GOLGA6L9: variants seen among roughly 807,000 people sequenced by gnomAD.
GOLGA6L9 encodes the protein golgin A6 family like 9, also known as golgin subfamily A member 6-like protein 9.
In GOLGA6L9, 19 loss-of-function variants were observed where a neutral mutation model predicts 51.3. The observed-to-expected ratio is 0.37, with a 90% CI of 0.26 to 0.54. The LOEUF is 0.54. Ranked by LOEUF, GOLGA6L9 falls within the 20% of genes least tolerant of loss-of-function variation. The pLI, the probability that GOLGA6L9 is intolerant of heterozygous loss-of-function variation, is 0.83. For missense variants in GOLGA6L9, 247 were observed against 464.1 expected (o/e 0.53, Z 4.30); for synonymous variants, 97 against 184.2 (o/e 0.53, Z 3.83).
intron 4 of GOLGA6L9, 65 bp from the exon 5 acceptor site, chr15:82,433,497 A>C (rs1258393017): frequency 2.5e-6 from 2 of 808,494 alleles, no homozygotes; most frequent in Admixed American, 2.8e-5. Context: ...CCTTTCTCAA[A>C]CTCTGTCTCT....
chr15:82,435,036 G>A (rs2031616197), intron 7 of GOLGA6L9, 107 bp downstream of exon 7: 2 of 723,924 alleles, frequency 2.8e-6, no homozygotes, highest in Non-Finnish European at 4.2e-6. Flanking sequence ...TGCAGCCTGG[G>A]GACAGGTGAC....
Position 82,430,147 on chromosome 15 carries a change from C to T in GOLGA6L9, c.68C>T (p.Ala23Val). ...GAAAAAACACAACAGGGGAAATTGG[C>T]CGCAGCCAAGAAAAAGGTAAAACAC... Reference protein sequence around the residue: ...MSEKTQQGKLAAAKKKLKAYW... With the variant: ...MSEKTQQGKLVAAKKKLKAYW... The change falls in exon 1 of 9, where the codon GCC (alanine) becomes GTC (valine). Residue 23 changes from alanine to valine, a missense_variant. Coordinates refer to ENST00000618348, the MANE Select transcript of GOLGA6L9 (RefSeq NM_198181.4). 1 of 847,764 alleles carries T rather than the reference C, an allele frequency of 1.2e-6. No individual in the cohort carries two copies. Among genetic ancestry groups the T allele is most frequent in the South Asian group, 1.5e-5 (1 of 66,206 alleles). 52.5% of individuals were successfully genotyped at this position (847,764 alleles called of 1,614,324 possible).
intron 3 of GOLGA6L9, 44 bp from the exon 4 acceptor site, chr15:82,432,773 C>G (rs1248052574): frequency 9.2e-6 from 14 of 1,526,136 alleles, no homozygotes; most frequent in African/African-American, 1.4e-5. Context: ...CTCTACCCCT[C>G]CCCACAATCT....
the GOLGA6L9 span, among the ~76,000 whole-genome samples, chr15:82,417,563 TGTC>T: frequency 6.6e-6 from 1 of 152,248 alleles, no homozygotes; most frequent in South Asian, 2.1e-4. Flanking sequence ...ACAAATGTAC[TGTC>T]TTTTGACCTG....
the GOLGA6L9 span, among the ~76,000 whole-genome samples, chr15:82,418,154 T>G: frequency 1.3e-5 from 2 of 152,210 alleles, no homozygotes; most frequent in Non-Finnish European, 2.9e-5. Context: ...AATAATGTCA[T>G]GAAAACAATT....
upstream of GOLGA6L9, among the ~76,000 whole-genome samples, chr15:82,427,255 T>C (rs1435210219): frequency 0.01 from 1,519 of 147,424 alleles, 8 homozygotes; most frequent in African/African-American, 0.036. Context: ...TTGCTTTCCT[T>C]TTCTTTCTTG....
the GOLGA6L9 span, among the ~76,000 whole-genome samples, chr15:82,418,379 G>A: frequency 6.6e-6 from 1 of 152,184 alleles, no homozygotes; most frequent in Non-Finnish European, 1.5e-5. Context: ...AGCCCCGGAG[G>A]ACAGAACCGT....
In GOLGA6L9 at chr15:82,432,898, G is replaced by C; in HGVS notation, c.345+1G>C. 1.2e-6 allele frequency: 2 copies of C among 1,610,874 alleles called. No individual in the cohort carries two copies. Among genetic ancestry groups the C allele is most frequent in the Non-Finnish European group, 8.5e-7 (1 of 1,179,056 alleles). ...ACTCACTGAAAACATCAATTCACTG[G>C]TAAGAGTCCAGTGGGGTCCCCTGAT... On this transcript the variant is annotated splice_donor_variant, in intron 4 of 8. Transcript: ENST00000618348. LOFTEE classifies it high-confidence loss of function.
At chr15:82,424,912 CAAG>C (rs2031184353), upstream of GOLGA6L9, among the ~76,000 whole-genome samples, 1 of 139,890 alleles carries the variant, frequency 7.1e-6, no homozygotes, top group African/African-American at 2.8e-5. Flanking sequence ...GGTATCTAAA[CAAG>C]AAGAAAGGAA....
At chr15:82,419,315 G>GT in the GOLGA6L9 span, 118 of 156,846 alleles carry the variant, frequency 7.5e-4, 2 homozygotes, top group East Asian at 0.019. Context: ...AAGTTAGATC[G>GT]TAAGTAGACG....
rs1373860147 is a variant in GOLGA6L9, at chr15:82,436,611, T to A, written c.*200T>A. ...GTTTAAATTTATTTGTGTTTCTAATTTATAGTTTAAATTTATTTTTGTTTC... is the reference window on the plus strand; with the variant it reads ...GTTTAAATTTATTTGTGTTTCTAATATATAGTTTAAATTTATTTTTGTTTC... On this transcript the variant is annotated 3_prime_UTR_variant, in exon 9 of 9. Coordinates refer to ENST00000618348, the MANE Select transcript of GOLGA6L9 (RefSeq NM_198181.4). 25 of 541,794 alleles carry A rather than the reference T, an allele frequency of 4.6e-5. No homozygotes were observed. Among genetic ancestry groups the A allele is most frequent in the Middle Eastern group, 5.3e-4 (1 of 1,894 alleles). The allele number at this position is 541,794 out of a possible 1,614,324, so 33.6% of individuals were successfully genotyped here.
chr15:82,432,886 A>T lies in GOLGA6L9; in HGVS notation c.334A>T (p.Ile112Phe). The part of the protein sequence containing the change: ...SAIISQLTEN[I>F]NSLVRTSKEE... ...AATAATCAGTCAACTCACTGAAAAC[A>T]TCAATTCACTGGTAAGAGTCCAGTG... Residue 112 changes from isoleucine to phenylalanine, a missense_variant, in exon 4 of 9, where the codon ATC becomes TTC. Ile to Phe is a conservative substitution (Grantham distance 21, BLOSUM62 0). This residue lies in a region of GOLGA6L9 where 74 missense variants were observed against 91.2 expected (regional missense o/e 0.81). Coordinates refer to ENST00000618348, the MANE Select transcript of GOLGA6L9 (RefSeq NM_198181.4). 1 of 1,612,060 alleles carries T rather than the reference A, an allele frequency of 6.2e-7. No individual in the cohort carries two copies. The highest frequency in any genetic ancestry group is 2.2e-5 in the East Asian group (1 of 44,866).
chr15:82,438,556 G>C lies in GOLGA6L9; in HGVS notation c.*2145G>C, dbSNP rs1240189202. ...TATAAGGCAGCCTTTAATTTGCTTAGAAGGCAACATTAGAAGGTTAGAGTT... is the reference window on the plus strand; with the variant it reads ...TATAAGGCAGCCTTTAATTTGCTTACAAGGCAACATTAGAAGGTTAGAGTT... On this transcript the variant is annotated 3_prime_UTR_variant, in exon 9 of 9. Coordinates refer to ENST00000618348, the MANE Select transcript of GOLGA6L9 (RefSeq NM_198181.4). The C allele has an allele frequency of 1.4e-5, 2 of 147,490 alleles. No homozygotes were observed. The highest frequency in any genetic ancestry group is 3.0e-5 in the Non-Finnish European group (2 of 66,646). 9.1% of individuals were successfully genotyped at this position (147,490 alleles called of 1,614,324 possible). A position where few individuals can be genotyped will look rare whatever the true frequency, so the allele number is the denominator to read the frequency against.
At position 82,438,305 on chromosome 15, in the gene GOLGA6L9, A is replaced by C. The variant is rs2150834067; in HGVS notation, c.*1894A>C. On this transcript the variant is annotated 3_prime_UTR_variant, in exon 9 of 9. Transcript: ENST00000618348. ...CAGGTACCTGTGGATTAAATCACAT[A>C]CTGGCATATTTAAGCTGAATGTCAG... is the stretch of plus-strand genomic sequence containing the variant. 6.6e-6 allele frequency: 1 copy of C among 150,438 alleles called. No homozygotes were observed. The highest frequency in any genetic ancestry group is 6.6e-5 in the Admixed American group (1 of 15,066). The allele number at this position is 150,438 out of a possible 1,614,324, so 9.3% of individuals were successfully genotyped here. A position where few individuals can be genotyped will look rare whatever the true frequency, so the allele number is the denominator to read the frequency against.
chr15:82,419,543 G>A, the GOLGA6L9 span, among the ~76,000 whole-genome samples: 4 of 151,942 alleles, frequency 2.6e-5, no homozygotes, highest in East Asian at 1.9e-4. Context: ...CCAGCTACCC[G>A]GGAGGCTGAG....
At chr15:82,424,643 G>A in the GOLGA6L9 span, among the ~76,000 whole-genome samples, 5 of 151,580 alleles carry the variant, frequency 3.3e-5, no homozygotes, top group East Asian at 3.9e-4. Flanking sequence ...CTCAGTAATC[G>A]ATGGAAGTTT....
chr15:82,438,357 C>T lies in GOLGA6L9; in HGVS notation c.*1946C>T, dbSNP rs1160953487. On this transcript the variant is annotated 3_prime_UTR_variant, in exon 9 of 9. Transcript: ENST00000618348. ...CTGAAAAATAAATGTACTATATTAACTCAAATACCACTCTCTGTGTAGGTA... is the reference window on the plus strand; with the variant it reads ...CTGAAAAATAAATGTACTATATTAATTCAAATACCACTCTCTGTGTAGGTA... 12 of 150,272 alleles carry T rather than the reference C, an allele frequency of 8.0e-5. No homozygotes were observed. Among genetic ancestry groups the T allele is most frequent in the Non-Finnish European group, 1.0e-4 (7 of 67,296 alleles). The allele number at this position is 150,272 out of a possible 1,614,324, so 9.3% of individuals were successfully genotyped here.
chr15:82,436,326 G>C lies in GOLGA6L9; in HGVS notation c.1214G>C (p.Gly405Ala). The change falls in exon 9 of 9, where the codon GGA becomes GCA. Residue 405 changes from glycine to alanine, a missense_variant. Physicochemically the swap from Gly to Ala is moderately conservative, Grantham distance 60 (BLOSUM62 0). Around this residue, in one of 9 missense-constraint regions of GOLGA6L9, gnomAD observed 12 missense variants for 89.4 expected, o/e 0.13. Coordinates refer to ENST00000618348, the MANE Select transcript of GOLGA6L9 (RefSeq NM_198181.4). ...PGLSGEAVGT[G>A]EAAGGAGEAA... ...TTGAGTGGAGAAGCTGTTGGTACAG[G>C]AGAGGCGGCAGGAGGAGCAGGAGAG... 2 of 1,591,282 alleles carry C rather than the reference G, an allele frequency of 1.3e-6. No homozygotes were observed. Among genetic ancestry groups the C allele is most frequent in the South Asian group, 1.1e-5 (1 of 89,586 alleles).
chr15:82,429,499 G>C (rs1436103707), upstream of GOLGA6L9, among the ~76,000 whole-genome samples: 22 of 152,284 alleles, frequency 1.4e-4, no homozygotes, highest in African/African-American at 4.3e-4. Flanking sequence ...ATTATTCTCT[G>C]TTATTGGAAT....
Sources: gnomAD v4.1 joint callset for allele counts (sites outside exome capture counted in the v4.1 genomes callset) on GRCh38, gnomAD v4.1.1 for gene constraint, gnomAD v4.1.1 regional missense constraint, MANE v1.5 for transcripts, NCBI Gene and HGNC (gene_info 2026-07-23, HGNC 2026-07-21) for gene names.